The following PLCL2 variants were observed in gnomAD, a reference collection of about 807,000 sequenced individuals.
PLCL2 encodes the protein phospholipase C like 2.
PLCL2 carries 4 observed loss-of-function variants against 79.6 expected under a neutral mutation model. The observed-to-expected ratio is 0.05, with a 90% CI of 0.02 to 0.11. The LOEUF is 0.11. PLCL2 is among the 10% of genes least tolerant of loss of function. The pLI, the probability that PLCL2 is intolerant of heterozygous loss-of-function variation, is 1.00. For synonymous variants in PLCL2, 484 were observed against 457.7 expected (o/e 1.06, Z -0.73); for missense variants, 895 against 1,291.0 (o/e 0.69, Z 4.70).
chr3:17,022,962 C>G (rs916443989), intron 3 of PLCL2, among the ~76,000 whole-genome samples: 1 of 152,204 alleles, frequency 6.6e-6, no homozygotes, highest in African/African-American at 2.4e-5. Flanking sequence ...TGCTCAGTCT[C>G]TCTGACTTTC....
At chr3:16,931,867 A>G (rs1194667740) in intron 1 of PLCL2, among the ~76,000 whole-genome samples, 1 of 152,216 alleles carries the variant, frequency 6.6e-6, no homozygotes, top group East Asian at 1.9e-4. Flanking sequence ...CAAAATTCAT[A>G]CATTGAGATA....
intron 1 of PLCL2, among the ~76,000 whole-genome samples, chr3:16,906,960 CT>C (rs1447074075): frequency 3.9e-5 from 6 of 152,140 alleles, no homozygotes; most frequent in Non-Finnish European, 7.4e-5. Flanking sequence ...TTTTTCCCCG[CT>C]GAGTTGCAGA....
chr3:16,891,954 T>C (rs1315812409), intron 1 of PLCL2, among the ~76,000 whole-genome samples: 1 of 152,210 alleles, frequency 6.6e-6, no homozygotes, highest in African/African-American at 2.4e-5. Context: ...GCCACCACTC[T>C]CCCTGTATCT....
Position 16,985,433 on chromosome 3 carries a change from A to G in PLCL2, c.328-24241A>G, listed in dbSNP as rs935564063. On this transcript the variant is annotated intron_variant, in intron 1 of 5. Transcript: ENST00000615277. ...CTGTCTTATCTCTGAAGTTAACAGT[A>G]TACTTGATCAATGTGATATTCGATA... Among the ~76,000 whole-genome samples the G allele has an allele frequency of 4.6e-5, 7 of 152,204 alleles. No homozygotes were observed. In the East Asian group the frequency reaches 1.3e-3, roughly 29 times the overall value.
intron 1 of PLCL2, among the ~76,000 whole-genome samples, chr3:16,905,212 C>T (rs1696723258): frequency 6.6e-6 from 1 of 152,198 alleles, no homozygotes; most frequent in Admixed American, 6.5e-5. Flanking sequence ...TGTGTGGGCA[C>T]AGCGAGTGAT....
At position 17,084,968 on chromosome 3, in the gene PLCL2, C is replaced by A. The variant is rs552638840; in HGVS notation, c.3205-4765C>A. Among the ~76,000 whole-genome samples, 22 of 152,156 alleles carry A rather than the reference C, an allele frequency of 1.4e-4. No homozygotes were observed. The South Asian group carries it at 4.6e-3, about 32-fold the overall frequency. ...AGAAAATAAAATAAAAGGTATATAT[C>A]TTGAGAAGGAAGAAATAAAACTGTC... On this transcript the variant is annotated intron_variant, in intron 5 of 5. Transcript: ENST00000615277.
Position 16,958,823 on chromosome 3 carries a change from G to A in PLCL2, c.328-50851G>A, listed in dbSNP as rs115009323. Among the ~76,000 whole-genome samples, 1,176 of 152,302 alleles carry A rather than the reference G, an allele frequency of 7.7e-3. 14 individuals are homozygous for A. The highest frequency in any genetic ancestry group is 0.027 in the African/African-American group (1,123 of 41,550). ...TGTGTCAGGAGCAATGATGAAGGCT[G>A]GGTTTGCAGAACTGCCAGATCAGGC... On this transcript the variant is annotated intron_variant, in intron 1 of 5. Coordinates refer to ENST00000615277, the MANE Select transcript of PLCL2 (RefSeq NM_001144382.2).
intron 1 of PLCL2, among the ~76,000 whole-genome samples, chr3:16,969,306 C>G (rs1325703236): frequency 2.0e-5 from 3 of 152,078 alleles, no homozygotes; most frequent in African/African-American, 7.2e-5. Context: ...GTAATAGTTT[C>G]AGTAGAAATG....
intron 1 of PLCL2, among the ~76,000 whole-genome samples, chr3:16,916,653 T>C (rs1697002486): frequency 6.6e-6 from 1 of 152,206 alleles, no homozygotes; most frequent in Admixed American, 6.5e-5. Flanking sequence ...GTGCTTCATA[T>C]AATGCTATGA....
intron 1 of PLCL2, among the ~76,000 whole-genome samples, chr3:16,912,807 C>T (rs1696912441): frequency 1.3e-5 from 2 of 152,180 alleles, no homozygotes; most frequent in Non-Finnish European, 2.9e-5. Context: ...TCCAACCAAA[C>T]CAGCCAATGG....
chr3:16,938,953 A>G (rs1054061355), intron 1 of PLCL2, among the ~76,000 whole-genome samples: 3 of 152,212 alleles, frequency 2.0e-5, no homozygotes, highest in African/African-American at 4.8e-5. Flanking sequence ...ACTTTTATTC[A>G]ACTTTAAAAA....
intron 5 of PLCL2, among the ~76,000 whole-genome samples, chr3:17,086,087 C>G (rs2065217152): frequency 6.6e-6 from 1 of 152,084 alleles, no homozygotes; most frequent in African/African-American, 2.4e-5. Context: ...AATTGACAAA[C>G]CGATTCCAAA....
intron 1 of PLCL2, among the ~76,000 whole-genome samples, chr3:16,942,090 A>T (rs189975105): frequency 6.6e-6 from 1 of 152,312 alleles, no homozygotes; most frequent in East Asian, 1.9e-4. Context: ...AATTCCTAGG[A>T]TGAAATAAAT....
chr3:16,952,230 A>G (rs1412546517), intron 1 of PLCL2, among the ~76,000 whole-genome samples: 3 of 151,902 alleles, frequency 2.0e-5, no homozygotes, highest in Admixed American at 6.6e-5. Flanking sequence ...CCTAATGCAT[A>G]CATGGCTTAA....
intron 1 of PLCL2, among the ~76,000 whole-genome samples, chr3:16,995,451 G>A (rs1005717675): frequency 3.9e-5 from 6 of 152,224 alleles, no homozygotes; most frequent in Non-Finnish European, 8.8e-5. Flanking sequence ...CTCTAAGGAG[G>A]TGCTGGCTCC....
In PLCL2 at chr3:17,009,804, G is replaced by A; in HGVS notation, c.458G>A (p.Arg153His). Reference sequence around the variant, plus strand: ...GAGGGTTCAGAACTCAAAAAGGTTCGCTCCAACTCTAGAATTTATCATAGG... The same window carrying A: ...GAGGGTTCAGAACTCAAAAAGGTTCACTCCAACTCTAGAATTTATCATAGG... Reference protein sequence around the residue: ...MVEGSELKKVRSNSRIYHRYF... With the variant: ...MVEGSELKKVHSNSRIYHRYF... Residue 153 changes from arginine (R) to histidine (H), a missense_variant, in exon 2 of 6, where the codon CGC becomes CAC. Physicochemically the swap from Arg to His is conservative, Grantham distance 29 (BLOSUM62 0). This residue lies in a region of PLCL2 where 129 missense variants were observed against 208.8 expected (regional missense o/e 0.62). Transcript: ENST00000615277. This position sits in a 1 kb window ranked among gnomAD's most constrained non-coding sequence, Gnocchi z 4.0. The A allele has an allele frequency of 6.2e-7, 1 of 1,613,588 alleles. No homozygotes were observed. The highest frequency in any genetic ancestry group is 8.5e-7 in the Non-Finnish European group (1 of 1,179,622).
At chr3:17,044,595 C>G (rs2064762119) in intron 4 of PLCL2, among the ~76,000 whole-genome samples, 1 of 152,164 alleles carries the variant, frequency 6.6e-6, no homozygotes, top group Non-Finnish European at 1.5e-5. Context: ...AAGCTGCTCT[C>G]TGTATCTTAC....
intron 1 of PLCL2, among the ~76,000 whole-genome samples, chr3:16,934,349 G>A (rs1697486539): frequency 6.6e-6 from 1 of 152,190 alleles, no homozygotes; most frequent in South Asian, 2.1e-4. Context: ...GCTAAGCTGA[G>A]CCCTGGAGAA....
At chr3:16,940,286 C>T (rs1038033491) in intron 1 of PLCL2, among the ~76,000 whole-genome samples, 6 of 152,184 alleles carry the variant, frequency 3.9e-5, no homozygotes, top group South Asian at 2.1e-4. Context: ...TTCTCACATC[C>T]GAAACCAGCC....
Sources: allele counts gnomAD v4.1 joint callset (sites outside exome capture counted in the v4.1 genomes callset), GRCh38; gene constraint gnomAD v4.1.1; regional missense constraint gnomAD v4.1.1; non-coding constraint Gnocchi (gnomAD v3.1); transcripts MANE v1.5; gene names NCBI Gene and HGNC (gene_info 2026-07-23, HGNC 2026-07-21).